Variants in EYS observed in about 807,000 individuals in gnomAD.
EYS encodes the protein protein eyes shut homolog.
A neutral mutation model predicts 282.1 loss-of-function variants in EYS; 250 were observed. The ratio of observed to expected loss-of-function variants is 0.89; its 90% confidence interval spans 0.80 to 0.98. The LOEUF (loss-of-function observed/expected upper bound fraction) is 0.98. Ranked by LOEUF, EYS falls within the 50% of genes least tolerant of loss-of-function variation. EYS has a pLI of 0.00. For missense variants in EYS, 4,016 were observed against 3,709.0 expected, an observed-to-expected ratio of 1.08 and a Z score of -2.15; for synonymous variants, 1,355 against 1,282.9, an observed-to-expected ratio of 1.06 and a Z score of -1.20.
intron 28 of EYS, among the ~76,000 whole-genome samples, chr6:64,421,922 G>A (rs1282736726): frequency 2.1e-5 from 3 of 140,214 alleles, no homozygotes; most frequent in African/African-American, 7.9e-5. Flanking sequence ...TCTCAAACAG[G>A]GATTGTGATT....
chr6:64,092,802 G>A (rs1296835412), intron 31 of EYS, among the ~76,000 whole-genome samples: 2 of 151,450 alleles, frequency 1.3e-5, no homozygotes, highest in East Asian at 3.9e-4. Flanking sequence ...CATTGCTTCT[G>A]GTGTTTTAGA....
rs1435233226 is a variant in EYS, at chr6:63,783,695, T to G, written c.7723+4410A>C. ...AGAGAGTGGGCTCTCATTGAGGAGG[T>G]GTGATTTGAGCTTGCTTTCCAGGCA... On this transcript the variant is annotated intron_variant, in intron 39 of 42. Transcript: ENST00000503581. Among the ~76,000 whole-genome samples the G allele has an allele frequency of 2.0e-5, 3 of 152,084 alleles. 1 individual carries two copies. Among genetic ancestry groups the G allele is most frequent in the South Asian group, 4.1e-4 (2 of 4,820 alleles).
chr6:65,440,189 A>G (rs1768257651), intron 5 of EYS, among the ~76,000 whole-genome samples: 1 of 152,082 alleles, frequency 6.6e-6, no homozygotes, highest in Admixed American at 6.6e-5. Flanking sequence ...TTTTTAAGCA[A>G]TTGTTCAAGC....
At chr6:63,814,065 C>T (rs1004338527) in intron 36 of EYS, among the ~76,000 whole-genome samples, 49 of 152,172 alleles carry the variant, frequency 3.2e-4, no homozygotes, top group Admixed American at 1.3e-4. Flanking sequence ...AGATTTAGCT[C>T]AATATCCTGC....
At chr6:65,658,668 A>G (rs973733249) in intron 1 of EYS, among the ~76,000 whole-genome samples, 1 of 151,732 alleles carries the variant, frequency 6.6e-6, no homozygotes, top group African/African-American at 2.4e-5. Flanking sequence ...AACATTGCCC[A>G]GAAGTAAATG....
At chr6:63,822,420 G>A (rs566325563) in intron 36 of EYS, 2 of 152,266 alleles carry the variant, frequency 1.3e-5, no homozygotes, top group African/African-American at 4.8e-5. Context: ...CCACATGAAA[G>A]CATGAAATTT....
At chr6:64,420,091 T>A (rs577946824) in intron 28 of EYS, among the ~76,000 whole-genome samples, 1 of 152,168 alleles carries the variant, frequency 6.6e-6, no homozygotes, top group East Asian at 1.9e-4. Flanking sequence ...CTAGATTTCA[T>A]ACCTCTGAAA....
At chr6:65,279,168 G>A (rs954774356) in intron 12 of EYS, among the ~76,000 whole-genome samples, 1 of 151,678 alleles carries the variant, frequency 6.6e-6, no homozygotes, top group East Asian at 1.9e-4. Flanking sequence ...CACCCTGGGC[G>A]ACAGAGTGAG....
intron 28 of EYS, among the ~76,000 whole-genome samples, chr6:64,432,734 T>C (rs1209790337): frequency 1.3e-5 from 2 of 152,014 alleles, no homozygotes; most frequent in African/African-American, 4.8e-5. Context: ...CAGCAGCACC[T>C]TCTACCTTAA....
At chr6:65,216,958 T>G (rs1766330760) in intron 12 of EYS, among the ~76,000 whole-genome samples, 1 of 152,018 alleles carries the variant, frequency 6.6e-6, no homozygotes, top group African/African-American at 2.4e-5. Flanking sequence ...AGCCCACATT[T>G]AAATGAGAAT....
intron 22 of EYS, among the ~76,000 whole-genome samples, chr6:64,769,825 A>T (rs1381057101): frequency 1.3e-5 from 2 of 152,006 alleles, no homozygotes; most frequent in African/African-American, 4.8e-5. Context: ...GGTTAAGGAG[A>T]TCAAGAGAGA....
At chr6:64,148,361 A>G (rs1774590369) in intron 31 of EYS, among the ~76,000 whole-genome samples, 1 of 152,106 alleles carries the variant, frequency 6.6e-6, no homozygotes, top group African/African-American at 2.4e-5. Flanking sequence ...GAAAGTGTGC[A>G]AATAATTTTT....
At chr6:65,056,825 T>C (rs1274919039) in intron 13 of EYS, among the ~76,000 whole-genome samples, 1 of 152,092 alleles carries the variant, frequency 6.6e-6, no homozygotes, top group Non-Finnish European at 1.5e-5. Flanking sequence ...ACATTTCTCA[T>C]TTAAATTACA....
At position 64,441,685 on chromosome 6, in the gene EYS, C is replaced by T. The variant is rs151294316; in HGVS notation, c.5645-2333G>A. Reference sequence around the variant, plus strand: ...GATATGACTGAATGTTTTTCCTGTGCTGTTCTTGCAATAGTGAATGGGTCT... The same window carrying T: ...GATATGACTGAATGTTTTTCCTGTGTTGTTCTTGCAATAGTGAATGGGTCT... On this transcript the variant is annotated intron_variant, in intron 26 of 42. Transcript: ENST00000503581. Among the ~76,000 whole-genome samples, 61 of 152,220 alleles carry T rather than the reference C, an allele frequency of 4.0e-4. 1 individual carries two copies. The East Asian group carries it at 0.011, about 27-fold the overall frequency.
intron 2 of EYS, among the ~76,000 whole-genome samples, chr6:65,521,460 G>T (rs933979222): frequency 6.6e-6 from 1 of 152,090 alleles, no homozygotes; most frequent in Non-Finnish European, 1.5e-5. Flanking sequence ...CTTCCAAATA[G>T]AAAGTTAGTA....
At chr6:65,432,691 G>A (rs991163532) in intron 5 of EYS, among the ~76,000 whole-genome samples, 1 of 152,054 alleles carries the variant, frequency 6.6e-6, no homozygotes, top group Admixed American at 6.6e-5. Context: ...TGATATAAAA[G>A]CTTCTACACA....
chr6:64,971,908 G>T (rs1770308261), intron 14 of EYS, among the ~76,000 whole-genome samples: 2 of 152,124 alleles, frequency 1.3e-5, no homozygotes, highest in African/African-American at 4.8e-5. Context: ...GTAAGTTCTT[G>T]CTGAAGAAAA....
At chr6:65,526,649 A>G (rs1767577128) in intron 2 of EYS, among the ~76,000 whole-genome samples, 1 of 152,094 alleles carries the variant, frequency 6.6e-6, no homozygotes, top group South Asian at 2.1e-4. Context: ...ACTAAAAAAT[A>G]CAAAAAATTA....
intron 31 of EYS, among the ~76,000 whole-genome samples, chr6:64,159,732 G>A (rs565655969): frequency 8.6e-5 from 13 of 151,214 alleles, no homozygotes; most frequent in African/African-American, 2.9e-4. Flanking sequence ...TTTTTTTTCC[G>A]TTTAAGAAAT....
Sources: gnomAD v4.1 joint callset for allele counts (sites outside exome capture counted in the v4.1 genomes callset) on GRCh38, gnomAD v4.1.1 for gene constraint, MANE v1.5 for transcripts, NCBI Gene and HGNC (gene_info 2026-07-23, HGNC 2026-07-21) for gene names.